TEAD1: variants seen among roughly 807,000 people sequenced by gnomAD.
TEAD1 encodes transcriptional enhancer factor TEF-1.
Under a neutral mutation model 54.9 loss-of-function variants are expected in TEAD1, and 9 were observed. That is an observed-to-expected ratio of 0.16 (90% CI 0.10 to 0.29). The LOEUF is 0.29. Among genes scored for constraint, TEAD1 ranks in the 10% least tolerant of loss-of-function variants. The pLI is 1.00. For synonymous variants in TEAD1, 200 were observed against 187.8 expected (o/e 1.07, Z -0.53); for missense variants, 387 against 535.9 (o/e 0.72, Z 2.74).
chr11:12,792,366 A>AAAG (rs1945822063), intron 3 of TEAD1, among the ~76,000 whole-genome samples: 2 of 151,536 alleles, frequency 1.3e-5, no homozygotes, highest in African/African-American at 4.8e-5. Flanking sequence ...AAAAAAAAAA[A>AAAG]AAAAAAAAGT....
intron 9 of TEAD1, among the ~76,000 whole-genome samples, chr11:12,891,364 G>A (rs1948194012): frequency 6.6e-6 from 1 of 152,226 alleles, no homozygotes; most frequent in Admixed American, 6.6e-5. Context: ...GGGGCTGGAG[G>A]AAACTATACT....
intron 3 of TEAD1, among the ~76,000 whole-genome samples, chr11:12,801,954 T>C (rs192423695): frequency 6.6e-6 from 1 of 152,298 alleles, no homozygotes; most frequent in African/African-American, 2.4e-5. Flanking sequence ...ATATGTTTAA[T>C]ATAATTAGAC....
chr11:12,935,556 C>T (rs899286541), intron 12 of TEAD1, among the ~76,000 whole-genome samples: 6 of 151,922 alleles, frequency 3.9e-5, no homozygotes, highest in Admixed American at 6.6e-5. Flanking sequence ...GCCTCCCGGG[C>T]TCAAGTGATT....
At chr11:12,882,879 C>A (rs1376583407) in intron 8 of TEAD1, 122 bp from the exon 9 acceptor site, 20 of 1,440,976 alleles carry the variant, frequency 1.4e-5, no homozygotes, top group Middle Eastern at 2.1e-4. Context: ...CTGGCCAGAG[C>A]CGGTGGAGAG....
At chr11:12,891,361 GA>G (rs1948193914) in intron 9 of TEAD1, among the ~76,000 whole-genome samples, 1 of 152,234 alleles carries the variant, frequency 6.6e-6, no homozygotes, top group Non-Finnish European at 1.5e-5. Flanking sequence ...GCAGGGGCTG[GA>G]GGAAACTATA....
At chr11:12,747,488 C>T (rs1944770459) in intron 2 of TEAD1, among the ~76,000 whole-genome samples, 1 of 152,180 alleles carries the variant, frequency 6.6e-6, no homozygotes, top group Non-Finnish European at 1.5e-5. Context: ...GCACCCGCCA[C>T]CACACCCATC....
At chr11:12,840,760 C>G (rs1257420310) in intron 3 of TEAD1, among the ~76,000 whole-genome samples, 1 of 152,130 alleles carries the variant, frequency 6.6e-6, no homozygotes, top group Non-Finnish European at 1.5e-5. Context: ...AGTTTATATG[C>G]AAATGGTGGC....
At chr11:12,751,339 A>G (rs1168627245) in intron 2 of TEAD1, among the ~76,000 whole-genome samples, 1 of 152,114 alleles carries the variant, frequency 6.6e-6, no homozygotes, top group Non-Finnish European at 1.5e-5. Flanking sequence ...CAAACCTTAA[A>G]GATCTCACAA....
intron 3 of TEAD1, among the ~76,000 whole-genome samples, chr11:12,822,906 T>A (rs1312616134): frequency 6.6e-6 from 1 of 152,240 alleles, no homozygotes; most frequent in Non-Finnish European, 1.5e-5. Flanking sequence ...GATTACATGT[T>A]GTACAGACCA....
At chr11:12,917,309 A>C (rs991565979) in intron 10 of TEAD1, among the ~76,000 whole-genome samples, 11 of 152,142 alleles carry the variant, frequency 7.2e-5, no homozygotes, top group African/African-American at 2.7e-4. Context: ...AGGCAAGGAA[A>C]CAGAACCCTC....
intron 2 of TEAD1, among the ~76,000 whole-genome samples, chr11:12,704,574 A>T (rs1235654486): frequency 6.6e-6 from 1 of 152,170 alleles, no homozygotes; most frequent in Non-Finnish European, 1.5e-5. Context: ...GCATAAGAAA[A>T]CCAAGCCTTC....
intron 2 of TEAD1, among the ~76,000 whole-genome samples, chr11:12,716,958 G>C (rs1384259057): frequency 1.3e-5 from 2 of 152,212 alleles, no homozygotes; most frequent in African/African-American, 4.8e-5. Context: ...CTGCTCCCAG[G>C]TGACTGACTG....
intron 3 of TEAD1, among the ~76,000 whole-genome samples, chr11:12,822,243 T>G (rs1946567857): frequency 6.6e-6 from 1 of 152,190 alleles, no homozygotes. Flanking sequence ...ATTACAGGCG[T>G]GAGCCACCGG....
At chr11:12,845,890 C>T (rs1947136821) in intron 3 of TEAD1, among the ~76,000 whole-genome samples, 1 of 152,204 alleles carries the variant, frequency 6.6e-6, no homozygotes, top group Admixed American at 6.5e-5. Context: ...CTCAGCATAC[C>T]ACACAGGAAA....
chr11:12,823,316 TTTC>T (rs1477861459), intron 3 of TEAD1: 2 of 152,214 alleles, frequency 1.3e-5, no homozygotes, highest in Non-Finnish European at 2.9e-5. Flanking sequence ...TGAGCTCTGA[TTTC>T]TTGCCTTTAA....
rs118054660 is a variant in TEAD1 at position 12,735,963 on chromosome 11, G to A, written c.-54-28216G>A. Among the ~76,000 whole-genome samples the A allele has an allele frequency of 1.6e-3, 247 of 152,290 alleles. 5 individuals are homozygous for A. The East Asian group carries it at 0.039, about 24-fold the overall frequency. On this transcript the variant is annotated intron_variant, in intron 2 of 12. Transcript: ENST00000527636. ...CAATCCAGGTACCTACCACTTCTGT[G>A]TCTCAGTTGGTCCGACAGAACTAGT...
intron 10 of TEAD1, among the ~76,000 whole-genome samples, chr11:12,914,169 A>G (rs1424271940): frequency 2.0e-5 from 3 of 152,232 alleles, no homozygotes; most frequent in Admixed American, 6.5e-5. Context: ...AGGAATTTGC[A>G]GTGCAGACGG....
chr11:12,713,167 G>A (rs1313300259), intron 2 of TEAD1, among the ~76,000 whole-genome samples: 2 of 152,178 alleles, frequency 1.3e-5, no homozygotes, highest in South Asian at 2.1e-4. Context: ...CTACAGGCAT[G>A]TGCAACCATG....
chr11:12,867,814 A>T (rs767967812), intron 5 of TEAD1, among the ~76,000 whole-genome samples: 2 of 152,122 alleles, frequency 1.3e-5, no homozygotes, highest in Non-Finnish European at 2.9e-5. Context: ...GACAACAAGG[A>T]TAGCTTCTGG....
Sources: allele counts gnomAD v4.1 joint callset (sites outside exome capture counted in the v4.1 genomes callset), GRCh38; gene constraint gnomAD v4.1.1; transcripts MANE v1.5; gene names NCBI Gene and HGNC (gene_info 2026-07-23, HGNC 2026-07-21).